Variants in CIMIP2A observed in about 807,000 individuals in gnomAD.
CIMIP2A encodes the protein ciliary microtubule inner protein 2A, also known as family with sequence similarity 166 member A.
At chr9:137,247,870 T>C in the CIMIP2A span, 2 of 707,970 alleles carry the variant, frequency 2.8e-6, no homozygotes, top group South Asian at 1.7e-5. Context: ...AGGGCCCACA[T>C]TGCACAGGTG....
the CIMIP2A span, among the ~76,000 whole-genome samples, chr9:137,249,013 A>C: frequency 9.3e-6 from 1 of 107,814 alleles, no homozygotes; most frequent in South Asian, 3.5e-4. Flanking sequence ...ATGCAGACTA[A>C]TATGGTTTTT....
the CIMIP2A span, among the ~76,000 whole-genome samples, chr9:137,254,306 C>T: frequency 2.4e-4 from 36 of 152,374 alleles, no homozygotes; most frequent in East Asian, 6.9e-3. Context: ...TGGATCAAGG[C>T]ACTGGAACCC....
the CIMIP2A span, chr9:137,247,808 G>A: frequency 1.7e-5 from 22 of 1,301,316 alleles, no homozygotes; most frequent in Non-Finnish European, 2.3e-5. Flanking sequence ...ACCATTGTGA[G>A]GGGCCAGCAT....
chr9:137,252,275 G>A, the CIMIP2A span: 4 of 1,361,700 alleles, frequency 2.9e-6, no homozygotes, highest in African/African-American at 1.4e-5. Context: ...CTCAGCACCT[G>A]TAAGGAGGCC....
the CIMIP2A span, among the ~76,000 whole-genome samples, chr9:137,249,078 G>A: frequency 2.0e-5 from 3 of 151,052 alleles, no homozygotes; most frequent in Non-Finnish European, 4.4e-5. Flanking sequence ...GGATGGTCTC[G>A]AACTCCTGAC....
At chr9:137,244,872 T>C in the CIMIP2A span, 1 of 1,567,388 alleles carries the variant, frequency 6.4e-7, no homozygotes, top group Non-Finnish European at 8.6e-7. Context: ...CTGTCTGATG[T>C]GGCCAAATGG....
chr9:137,244,113 G>C, the CIMIP2A span: 3 of 1,519,096 alleles, frequency 2.0e-6, no homozygotes, highest in East Asian at 6.8e-5. Flanking sequence ...AGCAGGTAGA[G>C]CCGTCCCTCC....
chr9:137,243,876 C>T, the CIMIP2A span: 1 of 1,407,876 alleles, frequency 7.1e-7, no homozygotes. Flanking sequence ...AAGTGTGGGG[C>T]TGCCCTGGGC....
chr9:137,251,372 G>A, the CIMIP2A span: 18 of 1,613,170 alleles, frequency 1.1e-5, no homozygotes, highest in African/African-American at 1.3e-5. Flanking sequence ...GGTCACCTGA[G>A]GCAGACACAA....
At chr9:137,248,340 C>T in the CIMIP2A span, among the ~76,000 whole-genome samples, 4 of 151,128 alleles carry the variant, frequency 2.6e-5, no homozygotes, top group Admixed American at 2.0e-4. Context: ...GTCAGGAGTT[C>T]GAGACCAGCC....
At chr9:137,244,627 A>G in the CIMIP2A span, 3 of 1,613,030 alleles carry the variant, frequency 1.9e-6, no homozygotes, top group Non-Finnish European at 2.5e-6. Context: ...CAGGCCCTGG[A>G]TGGCGCTTTC....
the CIMIP2A span, chr9:137,252,441 C>T: frequency 9.5e-5 from 152 of 1,606,240 alleles, 2 homozygotes; most frequent in African/African-American, 3.6e-4. Flanking sequence ...CTACAGAGGG[C>T]GGTGGCCGCA....
the CIMIP2A span, among the ~76,000 whole-genome samples, chr9:137,249,961 GTGTGTCTGGAGGCCCTGCCCCTATC>G: frequency 3.3e-3 from 508 of 152,262 alleles, 6 homozygotes; most frequent in Non-Finnish European, 3.3e-3. Context: ...TGCGACTGGT[GTGTGTCTGGAGGCCCTGCCCCTATC>G]TGTGTCTGGA....
chr9:137,253,055 G>A, the CIMIP2A span: 1 of 1,538,100 alleles, frequency 6.5e-7, no homozygotes, highest in South Asian at 1.2e-5. Context: ...TGGGAACTGG[G>A]AGCCAGGTTT....
chr9:137,244,421 C>G, the CIMIP2A span: 23 of 1,535,782 alleles, frequency 1.5e-5, 1 homozygote, highest in South Asian at 1.6e-4. Flanking sequence ...CCTTCTGCAT[C>G]CCCCTACCCC....
At chr9:137,246,595 C>T in the CIMIP2A span, among the ~76,000 whole-genome samples, 1 of 152,032 alleles carries the variant, frequency 6.6e-6, no homozygotes. Context: ...AACCCTGTCT[C>T]TATTAAAAAT....
the CIMIP2A span, chr9:137,247,761 C>T: frequency 6.3e-7 from 1 of 1,590,068 alleles, no homozygotes; most frequent in South Asian, 1.1e-5. Flanking sequence ...TCCCGGCATC[C>T]AGCTCCCTTC....
the CIMIP2A span, chr9:137,243,665 A>G: frequency 9.9e-4 from 1,603 of 1,614,044 alleles, 1 homozygote; most frequent in Non-Finnish European, 1.2e-3. Flanking sequence ...CCCTGTCCAC[A>G]TCCATGCTGT....
At chr9:137,252,475 C>G in the CIMIP2A span, 2 of 1,610,532 alleles carry the variant, frequency 1.2e-6, no homozygotes, top group Non-Finnish European at 1.7e-6. Context: ...TTTGTGGTTC[C>G]AGAGCGAAAG....
Sources: gnomAD v4.1 joint callset for allele counts (sites outside exome capture counted in the v4.1 genomes callset) on GRCh38, gnomAD v4.1.1 for gene constraint, MANE v1.5 for transcripts, NCBI Gene and HGNC (gene_info 2026-07-23, HGNC 2026-07-21) for gene names.